Variants in TCAF1 observed in about 807,000 individuals in gnomAD.
TCAF1 encodes the protein TRPM8 channel-associated factor 1.
Under a neutral mutation model 27.3 loss-of-function variants are expected in TCAF1, and 4 were observed. That is an observed-to-expected ratio of 0.15 (90% CI 0.07 to 0.34). The LOEUF (loss-of-function observed/expected upper bound fraction) is 0.34. Ranked by LOEUF, TCAF1 falls within the 10% of genes least tolerant of loss-of-function variation. TCAF1 has a pLI of 1.00. For missense variants in TCAF1, 257 were observed against 425.8 expected, an observed-to-expected ratio of 0.60 and a Z score of 3.49; for synonymous variants, 105 against 167.1, an observed-to-expected ratio of 0.63 and a Z score of 2.87.
intron 1 of TCAF1, among the ~76,000 whole-genome samples, chr7:143,883,965 A>T (rs969411857): frequency 6.6e-5 from 10 of 152,148 alleles, no homozygotes; most frequent in Middle Eastern, 3.2e-3. Context: ...CCAGAGCTAC[A>T]CTTTACCAAC....
chr7:143,876,301 T>C lies in TCAF1; in HGVS notation c.308A>G (p.Lys103Arg), dbSNP rs528530642. Residue 103 changes from lysine to arginine, a missense_variant, in exon 2 of 9, where the codon AAA becomes AGA. Lys to Arg is a conservative substitution (Grantham distance 26, BLOSUM62 2). Around this residue, in one of 2 missense-constraint regions of TCAF1, gnomAD observed 255 missense variants for 260.1 expected, o/e 0.98. Transcript: ENST00000479870. ...GVHPSLAPLA[K>R]ILEGSGVDAK... ...ATCCACTCCAGAGCCCTCGAGGATT[T>C]TGGCCAAAGGTGCCAGGGATGGGTG... 9.3e-6 allele frequency: 15 copies of C among 1,614,184 alleles called. No homozygotes were observed. The highest frequency in any genetic ancestry group is 6.7e-5 in the East Asian group (3 of 44,882).
At chr7:143,901,610 G>C (rs564949148) in intron 1 of TCAF1, among the ~76,000 whole-genome samples, 3 of 152,280 alleles carry the variant, frequency 2.0e-5, no homozygotes, top group Admixed American at 6.5e-5. Context: ...TGGGCTTAAC[G>C]GAGACAAGCT....
rs1433130684 is a variant in TCAF1, at chr7:143,901,992, C to G, written c.-46G>C. ...CCCAGGCCTCGGTCACCGCGGGCCT[C>G]TCCTGGTCCAGAGTCTACGCTGAAC... is the stretch of plus-strand genomic sequence containing the variant. On this transcript the variant is annotated 5_prime_UTR_variant, in exon 1 of 9. Transcript: ENST00000479870. 1 of 152,358 alleles carries G rather than the reference C, an allele frequency of 6.6e-6. No individual in the cohort carries two copies. The allele number at this position is 152,358 out of a possible 1,614,324, so 9.4% of individuals were successfully genotyped here.
At chr7:143,882,367 C>T (rs2116812682) in intron 1 of TCAF1, 1 of 984,842 alleles carries the variant, frequency 1.0e-6, no homozygotes, top group Non-Finnish European at 1.2e-6. Context: ...GCTCAAGCCC[C>T]GGGCCTTCTC....
rs796112906 is a variant in TCAF1, at chr7:143,882,655, T to TC, written c.-14-6034dup. On this transcript the variant is annotated intron_variant, in intron 1 of 8. Coordinates refer to ENST00000479870, the MANE Select transcript of TCAF1 (RefSeq NM_014719.3). Reference sequence around the variant, plus strand: ...CCCGCCCCGGCCTCCCGCCCTGCCCTCCCCCCCGCAGCACCCAGGCCGAGT... The same window carrying TC: ...CCCGCCCCGGCCTCCCGCCCTGCCCTCCCCCCCCGCAGCACCCAGGCCGAGT... 1.8e-3 allele frequency: 1,022 copies of TC among 571,862 alleles called. 6 individuals are homozygous for TC. The highest frequency in any genetic ancestry group is 9.7e-3 in the African/African-American group (390 of 40,064). The allele number at this position is 571,862 out of a possible 1,614,324, so 35.4% of individuals were successfully genotyped here.
chr7:143,885,584 C>T (rs1813362420), intron 1 of TCAF1: 1 of 977,196 alleles, frequency 1.0e-6, no homozygotes, highest in Non-Finnish European at 1.2e-6. Flanking sequence ...AACAAGGGAG[C>T]GATGGATAAA....
chr7:143,888,664 T>G (rs916075768), intron 1 of TCAF1, among the ~76,000 whole-genome samples: 13 of 152,388 alleles, frequency 8.5e-5, no homozygotes, highest in African/African-American at 2.6e-4. Context: ...CCCAATTTGC[T>G]AATGTATTCA....
At position 143,859,926 on chromosome 7, in the gene TCAF1, T is replaced by C. The variant is rs10952565; in HGVS notation, c.2167+282A>G. Among the ~76,000 whole-genome samples the C allele has an allele frequency of 3.5e-5, 3 of 86,754 alleles. 1 individual carries two copies. Among genetic ancestry groups the C allele is most frequent in the African/African-American group, 1.3e-4 (3 of 23,296 alleles). The allele number at this position is 86,754 out of a possible 152,430, so 56.9% of individuals were successfully genotyped here. Reference sequence around the variant, plus strand: ...ATAATATATATTACGGAATATATATTATATAATATATATTATATAATATAT... The same window carrying C: ...ATAATATATATTACGGAATATATATCATATAATATATATTATATAATATAT... On this transcript the variant is annotated intron_variant, in intron 6 of 8. Coordinates refer to ENST00000479870, the MANE Select transcript of TCAF1 (RefSeq NM_014719.3).
chr7:143,899,620 CTT>C (rs1814030332), intron 1 of TCAF1, among the ~76,000 whole-genome samples: 1 of 152,116 alleles, frequency 6.6e-6, no homozygotes, highest in Admixed American at 6.6e-5. Flanking sequence ...GTACTACTAA[CTT>C]GAAATTAAAT....
At chr7:143,884,816 T>TCATATTATC (rs1048230671) in intron 1 of TCAF1, among the ~76,000 whole-genome samples, 1 of 152,134 alleles carries the variant, frequency 6.6e-6, no homozygotes, top group African/African-American at 2.4e-5. Context: ...AATAAATCTG[T>TCATATTATC]CATATTATCT....
intron 1 of TCAF1, among the ~76,000 whole-genome samples, chr7:143,892,166 A>G (rs1032603553): frequency 6.6e-6 from 1 of 152,182 alleles, no homozygotes; most frequent in Admixed American, 6.5e-5. Flanking sequence ...GAACACTGAA[A>G]AGAGTAAATA....
intron 1 of TCAF1, chr7:143,886,471 C>G (rs957388318): frequency 1.0e-6 from 1 of 979,488 alleles, no homozygotes; most frequent in Non-Finnish European, 1.2e-6. Flanking sequence ...AGGTTAAGAA[C>G]TCTATTTTAT....
At chr7:143,897,144 ATATATAT>A (rs1406776620) in intron 1 of TCAF1, among the ~76,000 whole-genome samples, 8 of 41,674 alleles carry the variant, frequency 1.9e-4, no homozygotes, top group Admixed American at 1.1e-3. Context: ...ATATATATAT[ATATATAT>A]ATATATATAT....
intron 1 of TCAF1, among the ~76,000 whole-genome samples, chr7:143,894,004 C>G (rs1011219958): frequency 2.0e-5 from 3 of 151,542 alleles, no homozygotes; most frequent in Admixed American, 6.6e-5. Context: ...TAAAGAGACA[C>G]AGAGAGAGAA....
At chr7:143,877,963 C>T (rs972093910) in intron 1 of TCAF1, among the ~76,000 whole-genome samples, 1 of 152,172 alleles carries the variant, frequency 6.6e-6, no homozygotes, top group African/African-American at 2.4e-5. Flanking sequence ...CAACATAATA[C>T]GCAACCTGAT....
chr7:143,859,896 AT>A (rs1218959653), intron 6 of TCAF1, among the ~76,000 whole-genome samples: 1,605 of 83,958 alleles, frequency 0.019, 83 homozygotes, highest in South Asian at 0.033. Context: ...TATAATATAT[AT>A]TATATAATAT....
rs371193450 is a variant in TCAF1 at position 143,876,040 on chromosome 7, G to T, written c.569C>A (p.Thr190Lys). The stretch of plus-strand genomic sequence containing the variant: ...CTTCTTGGAGACTTTAAAGAAACTC[G>T]TGTCCCCTTTGTTGTCAGTAAAGTA... The part of the protein sequence containing the change: ...GIYFTDNKGD[T>K]SFFKVSKKMP... The change falls in exon 2 of 9, where the codon ACG becomes AAG. Residue 190 changes from threonine (T) to lysine (K), a missense_variant. By Grantham distance (78) the Thr-to-Lys change is moderately conservative. Coordinates refer to ENST00000479870, the MANE Select transcript of TCAF1 (RefSeq NM_014719.3). 4.4e-6 allele frequency: 7 copies of T among 1,593,660 alleles called. No individual in the cohort carries two copies. In the Middle Eastern group the frequency reaches 5.1e-4, roughly 115 times the overall value.
chr7:143,886,247 T>C (rs1453148885), intron 1 of TCAF1, among the ~76,000 whole-genome samples: 1 of 152,192 alleles, frequency 6.6e-6, no homozygotes, highest in Non-Finnish European at 1.5e-5. Flanking sequence ...CTCACTGCCC[T>C]GGCCCCTGTT....
chr7:143,859,978 ATATTATATAATATATAT>A lies in TCAF1; in HGVS notation c.2167+213_2167+229del, dbSNP rs1811868745. ...TTACGGAATATATATTATATAATAT[ATATTATATAATATATAT>A]TATATAATATATATATAATATATAT... On this transcript the variant is annotated intron_variant, in intron 6 of 8. Transcript: ENST00000479870. Among the ~76,000 whole-genome samples the A allele has an allele frequency of 6.7e-5, 2 of 29,996 alleles. 1 individual carries two copies. The highest frequency in any genetic ancestry group is 1.7e-4 in the African/African-American group (2 of 11,786). The allele number at this position is 29,996 out of a possible 152,430, so 19.7% of individuals were successfully genotyped here.
Sources: gnomAD v4.1 joint callset for allele counts (sites outside exome capture counted in the v4.1 genomes callset) on GRCh38, gnomAD v4.1.1 for gene constraint, gnomAD v4.1.1 regional missense constraint, MANE v1.5 for transcripts, NCBI Gene and HGNC (gene_info 2026-07-23, HGNC 2026-07-21) for gene names.